The following OPCML variants were observed in gnomAD, a reference collection of about 807,000 sequenced individuals.
OPCML encodes the protein opioid binding protein/cell adhesion molecule like.
A neutral mutation model predicts 37.8 loss-of-function variants in OPCML; 13 were observed. That is an observed-to-expected ratio of 0.34 (90% CI 0.22 to 0.55). The LOEUF (loss-of-function observed/expected upper bound fraction) is 0.55. OPCML is among the 20% of genes least tolerant of loss of function. The pLI is 0.91. For synonymous variants in OPCML, 176 were observed against 168.8 expected, an observed-to-expected ratio of 1.04 and a Z score of -0.33; for missense variants, 341 against 435.6, an observed-to-expected ratio of 0.78 and a Z score of 1.93.
At chr11:132,939,577 C>G (rs1191320940) in intron 2 of OPCML, among the ~76,000 whole-genome samples, 1 of 152,208 alleles carries the variant, frequency 6.6e-6, no homozygotes, top group Non-Finnish European at 1.5e-5. Flanking sequence ...TTGCCTCCAT[C>G]TCACCGCAGC....
chr11:133,121,070 G>C (rs114817398), intron 1 of OPCML, among the ~76,000 whole-genome samples: 1 of 152,040 alleles, frequency 6.6e-6, no homozygotes, highest in African/African-American at 2.4e-5. Context: ...CTACAGGTGC[G>C]TGTCACCATG....
chr11:132,511,292 G>A (rs1478555701), intron 4 of OPCML, among the ~76,000 whole-genome samples: 1 of 151,602 alleles, frequency 6.6e-6, no homozygotes, highest in African/African-American at 2.4e-5. Flanking sequence ...CTTAATAAAG[G>A]GAAGAATATA....
chr11:133,027,514 G>A (rs1434906915), intron 1 of OPCML, among the ~76,000 whole-genome samples: 1 of 150,514 alleles, frequency 6.6e-6, no homozygotes, highest in African/African-American at 2.4e-5. Flanking sequence ...GTGTAGTGCG[G>A]TGTGTGTGAT....
intron 1 of OPCML, among the ~76,000 whole-genome samples, chr11:133,009,540 C>T (rs1185525762): frequency 6.6e-6 from 1 of 152,226 alleles, no homozygotes; most frequent in Non-Finnish European, 1.5e-5. Flanking sequence ...CCACTCTATA[C>T]TCTACAAGTT....
intron 1 of OPCML, among the ~76,000 whole-genome samples, chr11:133,094,663 T>C (rs554909543): frequency 6.6e-6 from 1 of 152,142 alleles, no homozygotes; most frequent in Non-Finnish European, 1.5e-5. Flanking sequence ...TAACTATGAG[T>C]CTTTGTTTAT....
At chr11:132,980,913 G>A (rs1231853292) in intron 1 of OPCML, among the ~76,000 whole-genome samples, 1 of 152,218 alleles carries the variant, frequency 6.6e-6, no homozygotes, top group Admixed American at 6.5e-5. Flanking sequence ...TCTAAGAAAT[G>A]CGCCATTAGG....
At chr11:132,949,346 T>G (rs73026204) in intron 1 of OPCML, among the ~76,000 whole-genome samples, 3,606 of 152,312 alleles carry the variant, frequency 0.024, 64 homozygotes, top group Non-Finnish European at 0.036. Flanking sequence ...ACTGAAGAGA[T>G]GCATCCTGTA....
intron 1 of OPCML, among the ~76,000 whole-genome samples, chr11:133,213,318 CAATAAT>C (rs1939447379): frequency 6.7e-6 from 1 of 148,940 alleles, no homozygotes; most frequent in East Asian, 2.0e-4. Context: ...CTTAATAGAG[CAATAAT>C]AATAACAATA....
At chr11:132,678,425 C>T (rs1942802526) in intron 2 of OPCML, among the ~76,000 whole-genome samples, 1 of 152,104 alleles carries the variant, frequency 6.6e-6, no homozygotes, top group Admixed American at 6.5e-5. Flanking sequence ...AGTTTATGAC[C>T]ATGCAAAGAC....
At chr11:133,284,004 G>A (rs994173316) in intron 1 of OPCML, among the ~76,000 whole-genome samples, 6 of 152,046 alleles carry the variant, frequency 3.9e-5, no homozygotes. Flanking sequence ...GTCACTTTCC[G>A]CCAGCAGTAA....
At chr11:133,166,640 C>G (rs1349817502) in intron 1 of OPCML, among the ~76,000 whole-genome samples, 1 of 152,196 alleles carries the variant, frequency 6.6e-6, no homozygotes, top group Non-Finnish European at 1.5e-5. Context: ...GCGATGCATG[C>G]CAGCTTGATG....
At chr11:133,146,990 G>T (rs1465509672) in intron 1 of OPCML, among the ~76,000 whole-genome samples, 1 of 152,206 alleles carries the variant, frequency 6.6e-6, no homozygotes, top group Non-Finnish European at 1.5e-5. Context: ...CTTCCCCTCT[G>T]CAGGAGACTC....
chr11:132,780,122 G>C (rs1012210878), intron 2 of OPCML, among the ~76,000 whole-genome samples: 1 of 152,126 alleles, frequency 6.6e-6, no homozygotes. Flanking sequence ...AAAACACATC[G>C]TCAGGTCTTA....
intron 1 of OPCML, among the ~76,000 whole-genome samples, chr11:132,992,464 G>T (rs936747710): frequency 6.6e-6 from 1 of 151,598 alleles, no homozygotes; most frequent in African/African-American, 2.4e-5. Context: ...ACTTATACAC[G>T]CATCTATTTA....
intron 2 of OPCML, among the ~76,000 whole-genome samples, chr11:132,766,215 A>G (rs1028502829): frequency 6.6e-6 from 1 of 152,220 alleles, no homozygotes; most frequent in African/African-American, 2.4e-5. Flanking sequence ...AGCATCATGC[A>G]TCCGTACCAG....
chr11:133,303,758 T>G (rs889489332), intron 1 of OPCML, among the ~76,000 whole-genome samples: 2 of 151,588 alleles, frequency 1.3e-5, no homozygotes, highest in Non-Finnish European at 2.9e-5. Context: ...GTGGGGATGA[T>G]GAGAACTCCA....
chr11:132,827,414 T>C (rs570951299), intron 2 of OPCML, among the ~76,000 whole-genome samples: 1 of 152,266 alleles, frequency 6.6e-6, no homozygotes, highest in South Asian at 2.1e-4. Flanking sequence ...AACACCAAAT[T>C]CTGGCAAAGA....
chr11:132,438,961 T>C (rs542485170), intron 4 of OPCML, among the ~76,000 whole-genome samples: 212 of 152,064 alleles, frequency 1.4e-3, no homozygotes, highest in African/African-American at 4.9e-3. Context: ...ACCCAGGGAG[T>C]ACCATCAGTC....
chr11:133,319,571 C>T (rs1162385320), intron 1 of OPCML, among the ~76,000 whole-genome samples: 1 of 152,196 alleles, frequency 6.6e-6, no homozygotes, highest in East Asian at 1.9e-4. Flanking sequence ...CTTCTGGATC[C>T]TCTAATCACC....
Sources: allele counts gnomAD v4.1 joint callset (sites outside exome capture counted in the v4.1 genomes callset), GRCh38; gene constraint gnomAD v4.1.1; transcripts MANE v1.5; gene names NCBI Gene and HGNC (gene_info 2026-07-23, HGNC 2026-07-21).